The following POU6F2 variants were observed in gnomAD, a reference collection of about 807,000 sequenced individuals.
POU6F2 encodes POU domain, class 6, transcription factor 2.
In POU6F2, 31 loss-of-function variants were observed where a neutral mutation model predicts 71.3. That is an observed-to-expected ratio of 0.43 (90% CI 0.33 to 0.59). The LOEUF is 0.59. POU6F2 is among the 20% of genes least tolerant of loss of function. The probability of loss-of-function intolerance (pLI) is 0.04; values close to 1 mark genes in which losing one functional copy is unlikely to be tolerated. For synonymous variants in POU6F2, 347 were observed against 355.7 expected (o/e 0.98, Z 0.27); for missense variants, 783 against 856.8 (o/e 0.91, Z 1.07).
At chr7:39,026,607 G>C (rs902272816) in intron 1 of POU6F2, among the ~76,000 whole-genome samples, 1 of 152,046 alleles carries the variant, frequency 6.6e-6, no homozygotes, top group Admixed American at 6.6e-5. Context: ...TTGTGGGGTG[G>C]GAGGAGTGGG....
At chr7:39,254,053 C>T (rs1475599962) in intron 4 of POU6F2, among the ~76,000 whole-genome samples, 3 of 152,152 alleles carry the variant, frequency 2.0e-5, no homozygotes, top group African/African-American at 7.2e-5. Flanking sequence ...TCTGTCATTG[C>T]ACATGCTACC....
intron 4 of POU6F2, among the ~76,000 whole-genome samples, chr7:39,226,957 C>A (rs1013042182): frequency 6.6e-6 from 1 of 152,198 alleles, no homozygotes; most frequent in East Asian, 1.9e-4. Flanking sequence ...ATGGTCACGA[C>A]TTTTTGAAAT....
intron 4 of POU6F2, among the ~76,000 whole-genome samples, chr7:39,224,145 T>A (rs6966337): frequency 6.6e-6 from 1 of 151,892 alleles, no homozygotes; most frequent in South Asian, 2.1e-4. Context: ...AGAAAAGAAT[T>A]GGTGTACAAA....
chr7:39,065,996 T>C (rs1180090518), intron 1 of POU6F2, among the ~76,000 whole-genome samples: 2 of 151,776 alleles, frequency 1.3e-5, no homozygotes, highest in Non-Finnish European at 3.0e-5. Context: ...AAAAAACTTG[T>C]AAACTAGTTT....
chr7:39,229,600 A>C (rs369161971), intron 4 of POU6F2, among the ~76,000 whole-genome samples: 25 of 152,310 alleles, frequency 1.6e-4, no homozygotes, highest in African/African-American at 5.8e-4. Context: ...TCATACCCTT[A>C]TCCTATAGCC....
intron 4 of POU6F2, among the ~76,000 whole-genome samples, chr7:39,294,151 A>G (rs1465606319): frequency 1.3e-5 from 2 of 151,746 alleles, no homozygotes; most frequent in African/African-American, 4.8e-5. Flanking sequence ...AGATCATTTC[A>G]CTGTGGGAGA....
chr7:39,149,964 C>T (rs1792715985), intron 2 of POU6F2, among the ~76,000 whole-genome samples: 1 of 151,240 alleles, frequency 6.6e-6, no homozygotes, highest in Admixed American at 6.6e-5. Flanking sequence ...CGGCTCACTG[C>T]AAGCCCCGCC....
intron 2 of POU6F2, among the ~76,000 whole-genome samples, chr7:39,197,475 C>T (rs554422216): frequency 5.3e-5 from 8 of 152,196 alleles, no homozygotes; most frequent in Non-Finnish European, 1.2e-4. Flanking sequence ...CCCATTGGCA[C>T]AGGGTTGAGC....
intron 6 of POU6F2, among the ~76,000 whole-genome samples, chr7:39,415,931 C>G (rs2115936769): frequency 6.6e-6 from 1 of 152,206 alleles, no homozygotes; most frequent in South Asian, 2.1e-4. Context: ...CAAGTCCATT[C>G]CCATCCTTCC....
rs1349569316 is a variant in POU6F2 at position 39,460,754 on chromosome 7, C to T, written c.1658+39C>T. 6 of 1,501,880 alleles carry T rather than the reference C, an allele frequency of 4.0e-6. No individual in the cohort carries two copies. In the East Asian group the frequency reaches 7.2e-5, roughly 18 times the overall value. The allele number at this position is 1,501,880 out of a possible 1,614,324, so 93.0% of individuals were successfully genotyped here. On this transcript the variant is annotated intron_variant, in intron 9 of 9. Transcript: ENST00000518318. This position sits in a 1 kb window ranked among gnomAD's most constrained non-coding sequence, Gnocchi z 4.4. ...GCATGCTGTCACCTCTTCTAGCCGC[C>T]CTGGGCCTCATTTGTCCTCGCGGTT...
At chr7:38,994,940 AT>A in intron 1 of POU6F2, among the ~76,000 whole-genome samples, 2 of 152,346 alleles carry the variant, frequency 1.3e-5, no homozygotes, top group East Asian at 1.9e-4. Flanking sequence ...ACTTCCAAGA[AT>A]CCCCATTGAC....
chr7:39,465,857 A>G lies in POU6F2; in HGVS notation c.*1171A>G, dbSNP rs1789058863. The stretch of plus-strand genomic sequence containing the variant: ...CACATTTGGTTCAATACTTACATCT[A>G]TGTTATGCTTCTGTGCAAAGCAATT... On this transcript the variant is annotated 3_prime_UTR_variant, in exon 10 of 10. Transcript: ENST00000518318. 1 of 152,204 alleles carries G rather than the reference A, an allele frequency of 6.6e-6. No individual in the cohort carries two copies. The highest frequency in any genetic ancestry group is 6.5e-5 in the Admixed American group (1 of 15,276). The allele number at this position is 152,204 out of a possible 1,614,324, so 9.4% of individuals were successfully genotyped here.
intron 5 of POU6F2, among the ~76,000 whole-genome samples, chr7:39,390,325 G>T (rs944470695): frequency 1.3e-5 from 2 of 152,208 alleles, no homozygotes; most frequent in Non-Finnish European, 2.9e-5. Context: ...GAAAGGGGGA[G>T]GTGGAGGCTG....
At chr7:39,302,774 T>C (rs1356098666) in intron 4 of POU6F2, among the ~76,000 whole-genome samples, 1 of 152,220 alleles carries the variant, frequency 6.6e-6, no homozygotes, top group Non-Finnish European at 1.5e-5. Context: ...ACCAGTTCCA[T>C]TAGAGTACAG....
intron 4 of POU6F2, among the ~76,000 whole-genome samples, chr7:39,323,787 G>A (rs891916110): frequency 8.5e-5 from 13 of 152,086 alleles, no homozygotes; most frequent in African/African-American, 2.2e-4. Context: ...AGAGAGTGAG[G>A]AAGGCAAGAG....
chr7:39,448,725 C>G (rs566091951), intron 7 of POU6F2, among the ~76,000 whole-genome samples: 1 of 152,050 alleles, frequency 6.6e-6, no homozygotes, highest in Non-Finnish European at 1.5e-5. Flanking sequence ...TTTTCCAGTT[C>G]CTTGATGGTT....
intron 2 of POU6F2, among the ~76,000 whole-genome samples, chr7:39,142,437 C>T (rs1792522662): frequency 6.6e-6 from 1 of 152,148 alleles, no homozygotes; most frequent in Non-Finnish European, 1.5e-5. Context: ...GTAGATGTCC[C>T]TATGCATTTA....
At chr7:39,095,050 C>T (rs781627183) in intron 2 of POU6F2, among the ~76,000 whole-genome samples, 17 of 152,248 alleles carry the variant, frequency 1.1e-4, no homozygotes, top group South Asian at 1.0e-3. Context: ...CCTATTTCAA[C>T]GGATCCATTT....
chr7:39,085,995 T>C lies in POU6F2; in HGVS notation c.241T>C (p.Ser81Pro), dbSNP rs767064937. 1 of 1,613,728 alleles carries C rather than the reference T, an allele frequency of 6.2e-7. No homozygotes were observed. The highest frequency in any genetic ancestry group is 1.7e-5 in the Admixed American group (1 of 59,966). ...TGAGCCCCTGCTTGCGCCTGTGGAATCAAATGACAGCGAGGACACTCCCAG... is the reference window on the plus strand; with the variant it reads ...TGAGCCCCTGCTTGCGCCTGTGGAACCAAATGACAGCGAGGACACTCCCAG... ...LNEPLLAPVE[S>P]NDSEDTPSKL... Residue 81 changes from serine to proline, a missense_variant, in exon 2 of 10, where the codon TCA becomes CCA. Physicochemically the swap from Ser to Pro is moderately conservative, Grantham distance 74. Coordinates refer to ENST00000518318, the MANE Select transcript of POU6F2 (RefSeq NM_001370959.1).
Sources: gnomAD v4.1 joint callset for allele counts (sites outside exome capture counted in the v4.1 genomes callset) on GRCh38, gnomAD v4.1.1 for gene constraint, Gnocchi (gnomAD v3.1) non-coding constraint, MANE v1.5 for transcripts, NCBI Gene and HGNC (gene_info 2026-07-23, HGNC 2026-07-21) for gene names.